PCDHGA4: variants seen among roughly 807,000 people sequenced by gnomAD.
PCDHGA4 encodes the protein protocadherin gamma subfamily A, 4.
PCDHGA4 carries 38 observed loss-of-function variants against 54.6 expected under a neutral mutation model. That is an observed-to-expected ratio of 0.70 (90% confidence interval 0.54 to 0.91). The LOEUF is 0.91. Ranked by LOEUF, PCDHGA4 falls within the 40% of genes least tolerant of loss-of-function variation. The pLI, the probability that PCDHGA4 is intolerant of heterozygous loss-of-function variation, is 0.00. For synonymous variants in PCDHGA4, 511 were observed against 512.9 expected, an observed-to-expected ratio of 1.00 and a Z score of 0.05; for missense variants, 1,298 against 1,220.9, an observed-to-expected ratio of 1.06 and a Z score of -0.94.
At chr5:141,483,329 A>C (rs1463046335) in intron 1 of PCDHGA4, among the ~76,000 whole-genome samples, 3 of 152,182 alleles carry the variant, frequency 2.0e-5, no homozygotes, top group Non-Finnish European at 2.9e-5. Flanking sequence ...GGAGGCAAAG[A>C]GATCTTATCT....
intron 1 of PCDHGA4, chr5:141,365,773 C>T: frequency 1.2e-6 from 2 of 1,613,862 alleles, no homozygotes; most frequent in African/African-American, 1.3e-5. Flanking sequence ...ACCCCGACAG[C>T]GGCGACAACG....
At chr5:141,421,662 G>A (rs2096591243) in intron 1 of PCDHGA4, 3 of 1,613,844 alleles carry the variant, frequency 1.9e-6, no homozygotes, top group South Asian at 1.1e-5. Context: ...AAGTCAGTGA[G>A]CACGCAATTC....
chr5:141,369,924 C>T (rs1175657292), intron 1 of PCDHGA4, among the ~76,000 whole-genome samples: 1 of 152,092 alleles, frequency 6.6e-6, no homozygotes, highest in East Asian at 1.9e-4. Context: ...AAACTAAAAA[C>T]GTGACGGGAT....
chr5:141,433,017 A>T, intron 1 of PCDHGA4: 1 of 1,614,124 alleles, frequency 6.2e-7, no homozygotes, highest in Non-Finnish European at 8.5e-7. Flanking sequence ...CTGCAGACCT[A>T]TTCCCACGAG....
Position 141,505,229 on chromosome 5 carries a change from G to T in PCDHGA4, c.2574-164G>T, listed in dbSNP as rs116169437. 9.5e-4 allele frequency: 809 copies of T among 847,460 alleles called. 6 individuals carry two copies. In the African/African-American group the frequency reaches 0.013, roughly 13 times the overall value. 52.5% of individuals were successfully genotyped at this position (847,460 alleles called of 1,614,324 possible). ...TGAGGGACTGACTTGTGGGATTCTG[G>T]CTTCTGAAGGATTGTAGAAGTGCCT... On this transcript the variant is annotated intron_variant, in intron 2 of 3. Coordinates refer to ENST00000571252, the MANE Select transcript of PCDHGA4 (RefSeq NM_018917.4).
chr5:141,438,638 A>G (rs1192725978), intron 1 of PCDHGA4, among the ~76,000 whole-genome samples: 1 of 22,806 alleles, frequency 4.4e-5, no homozygotes, highest in East Asian at 1.6e-3. Flanking sequence ...ATATATATAC[A>G]CACACACACA....
chr5:141,443,217 G>A (rs1447455858), intron 1 of PCDHGA4, among the ~76,000 whole-genome samples: 8 of 151,656 alleles, frequency 5.3e-5, no homozygotes, highest in African/African-American at 2.4e-5. Flanking sequence ...CTCGCCAGGC[G>A]CATCTATAAT....
At chr5:141,375,888 C>G in intron 1 of PCDHGA4, 1 of 1,613,818 alleles carries the variant, frequency 6.2e-7, no homozygotes, top group Admixed American at 1.7e-5. Context: ...GGCCAGAACG[C>G]CTGGCTGTCC....
rs773942024 is a variant in PCDHGA4, at chr5:141,433,234, C to G, written c.2515-61573C>G. 3.3e-6 allele frequency: 5 copies of G among 1,512,860 alleles called. No homozygotes were observed. In the South Asian group the frequency reaches 5.0e-5, roughly 15 times the overall value. The allele number at this position is 1,512,860 out of a possible 1,614,324, so 93.7% of individuals were successfully genotyped here. A position where few individuals can be genotyped will look rare whatever the true frequency, so the allele number is the denominator to read the frequency against. On this transcript the variant is annotated intron_variant, in intron 1 of 3. Coordinates refer to ENST00000571252, the MANE Select transcript of PCDHGA4 (RefSeq NM_018917.4). ...TTTTTTTTTTTTAATTGCTCTGTCT[C>G]CCAAGCTGGAATGCAGCGGTACGAT...
chr5:141,419,742 T>G (rs1388509503), intron 1 of PCDHGA4: 3 of 1,613,742 alleles, frequency 1.9e-6, no homozygotes, highest in Non-Finnish European at 2.5e-6. Flanking sequence ...GAGGTGCGCA[T>G]GGTGCGTGCT....
At chr5:141,372,270 G>A in intron 1 of PCDHGA4, 1 of 1,613,182 alleles carries the variant, frequency 6.2e-7, no homozygotes, top group African/African-American at 1.3e-5. Flanking sequence ...CACGGGTGAG[G>A]TGCGCACGGC....
chr5:141,403,788 A>G, intron 1 of PCDHGA4: 3 of 1,613,956 alleles, frequency 1.9e-6, no homozygotes, highest in South Asian at 1.1e-5. Context: ...AAAGTGGCAT[A>G]CAAATTCTGG....
Position 141,505,409 on chromosome 5 carries a change from G to T in PCDHGA4, c.2590G>T (p.Asp864Tyr). The change falls in exon 3 of 4, where the codon GAC (aspartate) becomes TAC (tyrosine). Residue 864 changes from aspartate to tyrosine, a missense_variant. Asp to Tyr is a radical substitution (Grantham distance 160). Transcript: ENST00000571252. ...PGTSGSQNGD[D>Y]TGTWPNNQFD... Reference sequence around the variant, plus strand: ...TCTCCCCAGCTCCCAAAATGGCGATGACACCGGCACCTGGCCCAACAACCA... The same window carrying T: ...TCTCCCCAGCTCCCAAAATGGCGATTACACCGGCACCTGGCCCAACAACCA... 6.2e-7 allele frequency: 1 copy of T among 1,614,200 alleles called. No individual in the cohort carries two copies. Among genetic ancestry groups the T allele is most frequent in the Non-Finnish European group, 8.5e-7 (1 of 1,180,048 alleles).
In PCDHGA4 at chr5:141,414,051, A is replaced by G. The variant is rs747091153; in HGVS notation, c.2514+56430A>G. ...CATTCCGAAAATTACCTGACACGCA[A>G]TTGTTGAAGTTCCAACTAAACAAAT... On this transcript the variant is annotated intron_variant, in intron 1 of 3. Coordinates refer to ENST00000571252, the MANE Select transcript of PCDHGA4 (RefSeq NM_018917.4). 5.0e-6 allele frequency: 8 copies of G among 1,610,748 alleles called. No individual in the cohort carries two copies. The Admixed American group carries it at 8.4e-5, about 17-fold the overall frequency.
chr5:141,394,069 A>G (rs1054107584), intron 1 of PCDHGA4: 1 of 1,613,862 alleles, frequency 6.2e-7, no homozygotes, highest in African/African-American at 1.3e-5. Context: ...TCTATCTACA[A>G]TATCACAGTG....
At chr5:141,438,960 C>A (rs1398478011) in intron 1 of PCDHGA4, among the ~76,000 whole-genome samples, 1 of 151,940 alleles carries the variant, frequency 6.6e-6, no homozygotes, top group Non-Finnish European at 1.5e-5. Flanking sequence ...GCCACCGCAC[C>A]CTGCCAACTG....
chr5:141,409,248 T>A (rs779725312), intron 1 of PCDHGA4: 3 of 1,614,032 alleles, frequency 1.9e-6, no homozygotes, highest in South Asian at 2.2e-5. Context: ...GAAATAATCA[T>A]CACTTCTCTC....
rs766765576 is a variant in PCDHGA4 at position 141,361,851 on chromosome 5, C to T, written c.2514+4230C>T. 5.6e-6 allele frequency: 9 copies of T among 1,612,474 alleles called. No homozygotes were observed. In the East Asian group the frequency reaches 1.8e-4, roughly 32 times the overall value. The stretch of plus-strand genomic sequence containing the variant: ...ACCCCGCGCTGGGGCCTGATGGCTC[C>T]GCCCTCTTCGATATGGTGCCACGCG... On this transcript the variant is annotated intron_variant, in intron 1 of 3. Coordinates refer to ENST00000571252, the MANE Select transcript of PCDHGA4 (RefSeq NM_018917.4).
At position 141,355,585 on chromosome 5, in the gene PCDHGA4, A is replaced by G; in HGVS notation, c.478A>G (p.Asn160Asp). 6.2e-7 allele frequency: 1 copy of G among 1,614,046 alleles called. No homozygotes were observed. Among genetic ancestry groups the G allele is most frequent in the Non-Finnish European group, 8.5e-7 (1 of 1,179,882 alleles). The change falls in exon 1 of 4, where the codon AAC becomes GAC. Residue 160 changes from asparagine to aspartate, a missense_variant. Transcript: ENST00000571252. Reference protein sequence around the residue: ...VEVEIIDVNDNPPSFGTEQRE... With the variant: ...VEVEIIDVNDDPPSFGTEQRE... ...GGTGGAAATAATCGATGTTAATGAT[A>G]ACCCACCCAGTTTTGGGACAGAACA...
Sources: gnomAD v4.1 joint callset for allele counts (sites outside exome capture counted in the v4.1 genomes callset) on GRCh38, gnomAD v4.1.1 for gene constraint, MANE v1.5 for transcripts, NCBI Gene and HGNC (gene_info 2026-07-23, HGNC 2026-07-21) for gene names.